The following MGST1 variants were observed in gnomAD, a reference collection of about 807,000 sequenced individuals.
MGST1 encodes the protein glutathione S-transferase 12.
A neutral mutation model predicts 8.9 loss-of-function variants in MGST1; 5 were observed. That is an observed-to-expected ratio of 0.56 (90% CI 0.29 to 1.19). MGST1 has a LOEUF of 1.19. Ranked by LOEUF, MGST1 falls within the 50% of genes most tolerant of loss-of-function variation. MGST1 has a pLI of 0.08. For synonymous variants in MGST1, 54 were observed against 67.8 expected (o/e 0.80, Z 1.00); for missense variants, 182 against 187.4 (o/e 0.97, Z 0.17).
chr12:16,402,420 T>C (rs1196725444), intron 1 of MGST1: 2 of 1,604,070 alleles, frequency 1.2e-6, no homozygotes, highest in African/African-American at 2.7e-5. Context: ...GTCACAGCCA[T>C]AGCCCTGGAC....
At chr12:16,496,895 C>T (rs928069535) in intron 4 of MGST1, among the ~76,000 whole-genome samples, 2 of 152,030 alleles carry the variant, frequency 1.3e-5, no homozygotes, top group Admixed American at 1.3e-4. Flanking sequence ...TTAAATGAGA[C>T]ACAAACAAGA....
intron 4 of MGST1, among the ~76,000 whole-genome samples, chr12:16,553,026 GA>G (rs1942049635): frequency 6.6e-6 from 1 of 152,076 alleles, no homozygotes; most frequent in Admixed American, 6.6e-5. Context: ...TTGTGGCAAG[GA>G]GTAGAAATGA....
rs537219730 is a variant in MGST1, at chr12:16,568,749, T to G, written n.483-20779T>G. On this transcript the variant is annotated intron_variant and non_coding_transcript_variant, in intron 4 of 4. Transcript: ENST00000538857. Reference sequence around the variant, plus strand: ...ACTTTGGCTACTAGAAATATTAAAATTAATATGTGGATTACATTCTATTTC... The same window carrying G: ...ACTTTGGCTACTAGAAATATTAAAAGTAATATGTGGATTACATTCTATTTC... 9.2e-5 allele frequency among the ~76,000 whole-genome samples: 14 copies of G among 152,332 alleles called. No homozygotes were observed. The South Asian group carries it at 2.9e-3, about 32-fold the overall frequency.
chr12:16,456,040 A>C (rs922134730), intron 4 of MGST1, among the ~76,000 whole-genome samples: 1 of 151,928 alleles, frequency 6.6e-6, no homozygotes, highest in Non-Finnish European at 1.5e-5. Flanking sequence ...ATATTTGAGC[A>C]AGTGTTCACT....
At chr12:16,496,020 T>C (rs897703206) in intron 4 of MGST1, among the ~76,000 whole-genome samples, 10 of 152,060 alleles carry the variant, frequency 6.6e-5, no homozygotes, top group African/African-American at 1.9e-4. Flanking sequence ...TGCAGGGATA[T>C]GGATGTGTAA....
chr12:16,590,867 C>G (rs1211663062), downstream of MGST1, among the ~76,000 whole-genome samples: 18 of 151,958 alleles, frequency 1.2e-4, no homozygotes, highest in Admixed American at 1.2e-3. Flanking sequence ...AATCCAGAAG[C>G]CTATTTTCAA....
At chr12:16,480,073 C>A (rs998316240) in intron 4 of MGST1, among the ~76,000 whole-genome samples, 1 of 150,434 alleles carries the variant, frequency 6.6e-6, no homozygotes, top group Admixed American at 6.6e-5. Context: ...TTGGATAATA[C>A]ACAAAAAGCA....
In MGST1 at chr12:16,364,065, C is replaced by A. The variant is rs781675686; in HGVS notation, c.*24C>A. 6.4e-7 allele frequency: 1 copy of A among 1,562,910 alleles called. No individual in the cohort carries two copies. The highest frequency in any genetic ancestry group is 8.7e-7 in the Non-Finnish European group (1 of 1,153,076). ...AAAGAAAATCATACAACTCAGCATC[C>A]AGTTGGCTTTTTAAGAATTCTGTAC... On this transcript the variant is annotated 3_prime_UTR_variant, in exon 4 of 4. Coordinates refer to ENST00000396210, the MANE Select transcript of MGST1 (RefSeq NM_020300.5). This position sits in a 1 kb window ranked among gnomAD's most constrained non-coding sequence, Gnocchi z 5.7.
In MGST1 at chr12:16,517,703, C is replaced by T. The variant is rs1941624244; in HGVS notation, n.483-71825C>T. Among the ~76,000 whole-genome samples the T allele has an allele frequency of 6.6e-6, 1 of 152,158 alleles. No individual in the cohort carries two copies. The highest frequency in any genetic ancestry group is 2.1e-4 in the South Asian group (1 of 4,830). ...AACTTGGCTTGTGCTCATCTAAGCACTGTCCACAGAGAAGAGAGTTTTAGC... is the reference window on the plus strand; with the variant it reads ...AACTTGGCTTGTGCTCATCTAAGCATTGTCCACAGAGAAGAGAGTTTTAGC... On this transcript the variant is annotated intron_variant and non_coding_transcript_variant, in intron 4 of 4. Coordinates refer to the MGST1 transcript ENST00000538857. This position sits in a 1 kb window ranked among gnomAD's most constrained non-coding sequence, Gnocchi z 4.2.
chr12:16,504,955 G>C (rs774595315), intron 4 of MGST1, among the ~76,000 whole-genome samples: 5 of 152,088 alleles, frequency 3.3e-5, no homozygotes, highest in Non-Finnish European at 7.4e-5. Flanking sequence ...TAGGTTACCA[G>C]TTGTTAAATT....
intron 3 of MGST1, among the ~76,000 whole-genome samples, chr12:16,371,291 G>A (rs1940288896): frequency 6.6e-6 from 1 of 152,030 alleles, no homozygotes; most frequent in Non-Finnish European, 1.5e-5. Context: ...AAAGAAAAAT[G>A]TTTATTCATT....
Position 16,513,456 on chromosome 12 carries a change from C to A in MGST1, n.483-76072C>A. 1 of 423,274 alleles carries A rather than the reference C, an allele frequency of 2.4e-6. No individual in the cohort carries two copies. 26.2% of individuals were successfully genotyped at this position (423,274 alleles called of 1,614,324 possible). On this transcript the variant is annotated intron_variant and non_coding_transcript_variant, in intron 4 of 4. Coordinates refer to the MGST1 transcript ENST00000538857. The surrounding 1 kb of genome is among the most constrained non-coding windows in gnomAD (Gnocchi z 4.2). ...GCCGCCGCCTTCCACCCGGGCTCGCCTCTGATGCCCCTGCCAGAGCCAGCT... is the reference window on the plus strand; with the variant it reads ...GCCGCCGCCTTCCACCCGGGCTCGCATCTGATGCCCCTGCCAGAGCCAGCT...
chr12:16,348,699 C>T (rs1390982161), intron 1 of MGST1, among the ~76,000 whole-genome samples: 7 of 151,710 alleles, frequency 4.6e-5, no homozygotes, highest in Non-Finnish European at 8.8e-5. Context: ...CCTACACCTA[C>T]CTTTTGCATA....
chr12:16,543,079 C>T (rs1941801664), intron 4 of MGST1, among the ~76,000 whole-genome samples: 1 of 152,158 alleles, frequency 6.6e-6, no homozygotes, highest in African/African-American at 2.4e-5. Context: ...TCTGTGTTAA[C>T]AGTTGTTTGC....
intron 4 of MGST1, among the ~76,000 whole-genome samples, chr12:16,496,224 G>A (rs1358238986): frequency 6.6e-6 from 1 of 151,964 alleles, no homozygotes; most frequent in East Asian, 1.9e-4. Context: ...GTTATTTCTG[G>A]TGGCAGAGAA....
At chr12:16,440,820 C>T (rs1941032948), downstream of MGST1, among the ~76,000 whole-genome samples, 1 of 151,682 alleles carries the variant, frequency 6.6e-6, no homozygotes, top group Non-Finnish European at 1.5e-5. Context: ...TGGCTGTGCC[C>T]ATTTATGTAC....
chr12:16,578,804 C>T (rs550473077), intron 4 of MGST1, among the ~76,000 whole-genome samples: 6 of 149,528 alleles, frequency 4.0e-5, no homozygotes, highest in Non-Finnish European at 7.4e-5. Context: ...GGAGACAGAG[C>T]GAGATTCTGT....
At chr12:16,552,358 T>C (rs1295442566) in intron 4 of MGST1, among the ~76,000 whole-genome samples, 1 of 152,052 alleles carries the variant, frequency 6.6e-6, no homozygotes, top group East Asian at 1.9e-4. Flanking sequence ...CTTTATCAGA[T>C]AGTCAATTTC....
chr12:16,560,514 G>A lies in MGST1; in HGVS notation n.483-29014G>A, dbSNP rs149014326. ...CAGGGATGAGCTTACTACAGGCAGC[G>A]CAGTTTCCCGTTACACCAAAGAGCC... On this transcript the variant is annotated intron_variant and non_coding_transcript_variant, in intron 4 of 4. Transcript: ENST00000538857. This position sits in a 1 kb window ranked among gnomAD's most constrained non-coding sequence, Gnocchi z 5.0. 76 of 1,612,914 alleles carry A rather than the reference G, an allele frequency of 4.7e-5. No individual in the cohort carries two copies. The highest frequency in any genetic ancestry group is 6.6e-5 in the South Asian group (6 of 90,936).
Sources: gnomAD v4.1 joint callset for allele counts (sites outside exome capture counted in the v4.1 genomes callset) on GRCh38, gnomAD v4.1.1 for gene constraint, Gnocchi (gnomAD v3.1) non-coding constraint, MANE v1.5 for transcripts, NCBI Gene and HGNC (gene_info 2026-07-23, HGNC 2026-07-21) for gene names.